The following FAM120A variants were observed in gnomAD, a reference collection of about 807,000 sequenced individuals.
The protein encoded by FAM120A is constitutive coactivator of PPAR-gamma-like protein 1.
Under a neutral mutation model 109.7 loss-of-function variants are expected in FAM120A, and 15 were observed. The observed-to-expected ratio is 0.14, with a 90% CI of 0.09 to 0.21. FAM120A has a LOEUF of 0.21. Ranked by LOEUF, FAM120A falls within the 10% of genes least tolerant of loss-of-function variation. FAM120A has a pLI of 1.00. For missense variants in FAM120A, 899 were observed against 1,439.3 expected (o/e 0.62, Z 6.07); for synonymous variants, 493 against 572.8 (o/e 0.86, Z 1.99).
At chr9:93,527,329 A>G in intron 8 of FAM120A, 87 bp downstream of exon 8, 1 of 971,478 alleles carries the variant, frequency 1.0e-6, no homozygotes, top group Non-Finnish European at 1.6e-6. Context: ...GAAAAATAAT[A>G]TCTCTCTCTT....
intron 3 of FAM120A, among the ~76,000 whole-genome samples, chr9:93,487,136 GTCTTTTCATCAT>G (rs1286238236): frequency 1.3e-5 from 2 of 151,950 alleles, no homozygotes; most frequent in African/African-American, 4.8e-5. Flanking sequence ...TGGGTTATTT[GTCTTTTCATCAT>G]TGAGTTCTAA....
intron 5 of FAM120A, among the ~76,000 whole-genome samples, chr9:93,510,391 C>T (rs1414625624): frequency 6.6e-6 from 1 of 152,194 alleles, no homozygotes; most frequent in Non-Finnish European, 1.5e-5. Flanking sequence ...TGTGTCTTCC[C>T]AAAGTGGATG....
At chr9:93,554,621 C>G (rs1400662875) in intron 12 of FAM120A, among the ~76,000 whole-genome samples, 1 of 151,880 alleles carries the variant, frequency 6.6e-6, no homozygotes, top group African/African-American at 2.4e-5. Context: ...TGCAGTGAGC[C>G]AAGATTGCAC....
intron 5 of FAM120A, among the ~76,000 whole-genome samples, chr9:93,502,669 A>C (rs1163832886): frequency 1.3e-5 from 2 of 152,096 alleles, no homozygotes; most frequent in Non-Finnish European, 2.9e-5. Context: ...TGGTGGTGAG[A>C]TGCATACTTA....
At chr9:93,524,701 C>T (rs1860993990) in intron 7 of FAM120A, among the ~76,000 whole-genome samples, 1 of 152,138 alleles carries the variant, frequency 6.6e-6, no homozygotes, top group African/African-American at 2.4e-5. Context: ...GGGTTTGAAT[C>T]CAGCTACCTT....
intron 2 of FAM120A, among the ~76,000 whole-genome samples, chr9:93,475,736 G>T (rs1858521182): frequency 5.3e-5 from 8 of 152,172 alleles, no homozygotes; most frequent in Admixed American, 5.2e-4. Flanking sequence ...TTTGTGGGTG[G>T]TGATGGAAAT....
intron 12 of FAM120A, among the ~76,000 whole-genome samples, chr9:93,551,055 T>A (rs1020522330): frequency 6.6e-6 from 1 of 152,208 alleles, no homozygotes; most frequent in African/African-American, 2.4e-5. Context: ...AAGAATTTTC[T>A]AACATCTAGC....
intron 2 of FAM120A, among the ~76,000 whole-genome samples, 180 bp downstream of exon 2, chr9:93,471,567 C>G (rs957418686): frequency 6.6e-6 from 1 of 152,174 alleles, no homozygotes; most frequent in African/African-American, 2.4e-5. Flanking sequence ...AGCTAATGTG[C>G]TACTTTTGTT....
intron 10 of FAM120A, among the ~76,000 whole-genome samples, chr9:93,540,952 T>G (rs1269022006): frequency 6.6e-6 from 1 of 151,984 alleles, no homozygotes; most frequent in Non-Finnish European, 1.5e-5. Context: ...AATGAAAAAG[T>G]TAAAGGCCAA....
chr9:93,457,656 C>T (rs1170409876), intron 1 of FAM120A, among the ~76,000 whole-genome samples: 1 of 152,086 alleles, frequency 6.6e-6, no homozygotes, highest in African/African-American at 2.4e-5. Context: ...AAGCCAGAAA[C>T]CCAGATTTTT....
At chr9:93,521,516 A>G (rs1006008910) in intron 7 of FAM120A, among the ~76,000 whole-genome samples, 3 of 151,960 alleles carry the variant, frequency 2.0e-5, no homozygotes, top group Admixed American at 2.0e-4. Flanking sequence ...CAGGAGTTCA[A>G]GGCTGTAGTG....
intron 14 of FAM120A, 83 bp downstream of exon 14, chr9:93,558,093 C>A: frequency 7.3e-7 from 1 of 1,363,318 alleles, no homozygotes; most frequent in Non-Finnish European, 9.7e-7. Flanking sequence ...GCAAGCCCAT[C>A]TGCTGTGTTG....
chr9:93,493,123 G>A (rs1375860568), intron 3 of FAM120A, among the ~76,000 whole-genome samples: 7 of 152,216 alleles, frequency 4.6e-5, no homozygotes, highest in Non-Finnish European at 8.8e-5. Context: ...GCTACTGCCT[G>A]TTGCAAAATA....
At chr9:93,526,454 C>T (rs1861083897) in intron 7 of FAM120A, among the ~76,000 whole-genome samples, 1 of 152,106 alleles carries the variant, frequency 6.6e-6, no homozygotes, top group African/African-American at 2.4e-5. Context: ...GCACAGTTAC[C>T]TCTCATTCTG....
intron 3 of FAM120A, among the ~76,000 whole-genome samples, chr9:93,495,095 G>A (rs1440357661): frequency 3.3e-5 from 5 of 152,226 alleles, no homozygotes. Context: ...AGCAGCAGCT[G>A]AGTAGGCATT....
chr9:93,533,658 G>T (rs1861413508), intron 10 of FAM120A, among the ~76,000 whole-genome samples: 1 of 152,098 alleles, frequency 6.6e-6, no homozygotes, highest in Non-Finnish European at 1.5e-5. Context: ...CACTTGTCCT[G>T]GCCTGTCTCT....
intron 3 of FAM120A, among the ~76,000 whole-genome samples, chr9:93,485,701 A>C (rs556179951): frequency 6.6e-6 from 1 of 152,064 alleles, no homozygotes; most frequent in African/African-American, 2.4e-5. Context: ...TCCAGGGTCA[A>C]CTTCTCTTCC....
At chr9:93,461,594 T>C (rs1857793144) in intron 1 of FAM120A, among the ~76,000 whole-genome samples, 1 of 152,220 alleles carries the variant, frequency 6.6e-6, no homozygotes, top group African/African-American at 2.4e-5. Flanking sequence ...ATACAAATAA[T>C]GTGTGTGTTT....
intron 3 of FAM120A, among the ~76,000 whole-genome samples, chr9:93,489,286 A>G (rs57276935): frequency 0.045 from 6,783 of 152,300 alleles, 512 homozygotes; most frequent in African/African-American, 0.15. Flanking sequence ...GTGACTACTC[A>G]TAGAGTTGTG....
Sources: allele counts gnomAD v4.1 joint callset (sites outside exome capture counted in the v4.1 genomes callset), GRCh38; gene constraint gnomAD v4.1.1; transcripts MANE v1.5; gene names NCBI Gene and HGNC (gene_info 2026-07-23, HGNC 2026-07-21).